Variants in TSNARE1 observed in about 807,000 individuals in gnomAD.
TSNARE1 encodes t-SNARE domain-containing protein 1.
In TSNARE1, 49 loss-of-function variants were observed where a neutral mutation model predicts 62.0. That is an observed-to-expected ratio of 0.79 (90% CI 0.63 to 1.00). TSNARE1 has a LOEUF of 1.00. Among genes scored for constraint, TSNARE1 ranks in the 50% least tolerant of loss-of-function variants. The pLI is 0.00. For synonymous variants in TSNARE1, 328 were observed against 294.4 expected (o/e 1.11, Z -1.17); for missense variants, 755 against 700.1 (o/e 1.08, Z -0.88).
intron 1 of TSNARE1, among the ~76,000 whole-genome samples, chr8:142,356,451 C>T (rs970937767): frequency 5.3e-5 from 8 of 152,126 alleles, no homozygotes; most frequent in African/African-American, 1.4e-4. Context: ...GCTCTGAGAG[C>T]GGGTGGGATT....
Position 142,331,660 on chromosome 8 carries a change from G to A in TSNARE1, c.823+94C>T, listed in dbSNP as rs924354735. 7 of 1,242,130 alleles carry A rather than the reference G, an allele frequency of 5.6e-6. No homozygotes were observed. In the South Asian group the frequency reaches 6.5e-5, roughly 11 times the overall value. 76.9% of individuals were successfully genotyped at this position (1,242,130 alleles called of 1,614,324 possible). A position where few individuals can be genotyped will look rare whatever the true frequency, so the allele number is the denominator to read the frequency against. ...GGACTGCACCGCAGGATGGCCTGAGGGGGGAAGCCATCCAGCACCCTCGCC... is the reference window on the plus strand; with the variant it reads ...GGACTGCACCGCAGGATGGCCTGAGAGGGGAAGCCATCCAGCACCCTCGCC... On this transcript the variant is annotated intron_variant, in intron 5 of 13. Transcript: ENST00000524325.
intron 1 of TSNARE1, among the ~76,000 whole-genome samples, chr8:142,378,119 G>A (rs549778117): frequency 3.9e-5 from 6 of 152,292 alleles, no homozygotes; most frequent in African/African-American, 1.4e-4. Context: ...CCAAGACCCC[G>A]TACACCATGG....
At chr8:142,304,778 T>G in intron 9 of TSNARE1, among the ~76,000 whole-genome samples, 1 of 152,168 alleles carries the variant, frequency 6.6e-6, no homozygotes, top group East Asian at 1.9e-4. Flanking sequence ...GGAAACCAGG[T>G]TGAGCTGTGC....
chr8:142,378,015 G>A (rs1023691319), intron 1 of TSNARE1, among the ~76,000 whole-genome samples: 3 of 152,220 alleles, frequency 2.0e-5, no homozygotes, highest in Admixed American at 6.5e-5. Context: ...GATCCGCGCG[G>A]TGAACTATGC....
chr8:142,315,639 G>A (rs953114435), intron 7 of TSNARE1, among the ~76,000 whole-genome samples: 1 of 151,844 alleles, frequency 6.6e-6, no homozygotes, highest in African/African-American at 2.4e-5. Flanking sequence ...GGCTGGACAC[G>A]CACGGAGCCG....
chr8:142,350,921 C>T (rs563729970), intron 2 of TSNARE1, among the ~76,000 whole-genome samples: 44 of 152,294 alleles, frequency 2.9e-4, no homozygotes, highest in Non-Finnish European at 5.0e-4. Flanking sequence ...GGAGGCTCCA[C>T]GTTAAACGGC....
intron 6 of TSNARE1, 78 bp downstream of exon 6, chr8:142,330,823 A>G (rs1431805262): frequency 2.7e-6 from 4 of 1,461,226 alleles, no homozygotes; most frequent in South Asian, 1.2e-5. Flanking sequence ...CCGTGTGCAC[A>G]GGAGGACCAC....
intron 12 of TSNARE1, among the ~76,000 whole-genome samples, chr8:142,260,354 A>T (rs2130387119): frequency 6.6e-6 from 1 of 152,230 alleles, no homozygotes; most frequent in South Asian, 2.1e-4. Flanking sequence ...CGAGTCGGGA[A>T]GTTGAGGGCC....
intron 11 of TSNARE1, chr8:142,278,285 T>C (rs1295753814): frequency 3.0e-6 from 3 of 985,322 alleles, no homozygotes; most frequent in Non-Finnish European, 1.2e-6. Flanking sequence ...CATGCACCGC[T>C]GTGAGCAGGA....
intron 6 of TSNARE1, among the ~76,000 whole-genome samples, chr8:142,328,715 G>A (rs1312711846): frequency 1.3e-5 from 2 of 151,944 alleles, no homozygotes; most frequent in Admixed American, 6.5e-5. Flanking sequence ...AGGGAATAGA[G>A]CCCAGACAGA....
chr8:142,335,935 A>T (rs1159234743), intron 4 of TSNARE1, among the ~76,000 whole-genome samples: 1 of 152,214 alleles, frequency 6.6e-6, no homozygotes. Context: ...TACTGGACAG[A>T]GGCACTGCTT....
intron 13 of TSNARE1, among the ~76,000 whole-genome samples, chr8:142,222,246 TCACTCATC>T (rs1816333787): frequency 2.7e-5 from 1 of 36,576 alleles, no homozygotes; most frequent in East Asian, 8.7e-4. Flanking sequence ...ATTCACTCAC[TCACTCATC>T]CACTCATCCA....
intron 13 of TSNARE1, among the ~76,000 whole-genome samples, chr8:142,222,685 C>T (rs1816417993): frequency 2.8e-5 from 1 of 36,064 alleles, no homozygotes; most frequent in Non-Finnish European, 6.2e-5. Context: ...TCCACTCATC[C>T]ACTCACTCAC....
intron 1 of TSNARE1, among the ~76,000 whole-genome samples, chr8:142,359,248 C>CT (rs1265042883): frequency 6.6e-6 from 1 of 152,150 alleles, no homozygotes; most frequent in Non-Finnish European, 1.5e-5. Flanking sequence ...ATGCTTACCA[C>CT]ACGTCAGGCC....
chr8:142,389,290 A>T (rs1837317759), intron 1 of TSNARE1, among the ~76,000 whole-genome samples: 1 of 152,226 alleles, frequency 6.6e-6, no homozygotes, highest in African/African-American at 2.4e-5. Flanking sequence ...AAAACCATAA[A>T]ACAACTAGAA....
At chr8:142,223,949 G>GCCCT (rs56243627) in intron 13 of TSNARE1, among the ~76,000 whole-genome samples, 136,061 of 151,962 alleles carry the variant, frequency 0.9, 60,991 homozygotes, top group Non-Finnish European at 0.92. Flanking sequence ...ACCCAGGGGA[G>GCCCT]GGCTTTCTGC....
chr8:142,260,022 C>T (rs1338050770), intron 12 of TSNARE1, among the ~76,000 whole-genome samples: 2 of 151,892 alleles, frequency 1.3e-5, no homozygotes, highest in African/African-American at 4.8e-5. Context: ...TCACCCTCTG[C>T]ACTCCCCCAG....
chr8:142,347,219 A>G (rs1015054051), intron 2 of TSNARE1, among the ~76,000 whole-genome samples: 2 of 152,268 alleles, frequency 1.3e-5, no homozygotes, highest in Admixed American at 6.5e-5. Context: ...AAAGTAGATC[A>G]GAGTCAGAAG....
At chr8:142,229,085 G>A (rs1360254363) in intron 13 of TSNARE1, among the ~76,000 whole-genome samples, 1 of 151,858 alleles carries the variant, frequency 6.6e-6, no homozygotes, top group East Asian at 1.9e-4. Context: ...TGGATGGATG[G>A]ATGAATGGAT....
Sources: gnomAD v4.1 joint callset for allele counts (sites outside exome capture counted in the v4.1 genomes callset) on GRCh38, gnomAD v4.1.1 for gene constraint, MANE v1.5 for transcripts, NCBI Gene and HGNC (gene_info 2026-07-23, HGNC 2026-07-21) for gene names.